Variants in KMT5B observed in about 807,000 individuals in gnomAD.
KMT5B encodes lysine methyltransferase 5B.
KMT5B carries 10 observed loss-of-function variants against 83.2 expected under a neutral mutation model. The observed-to-expected ratio is 0.12, with a 90% CI of 0.07 to 0.20. The LOEUF (loss-of-function observed/expected upper bound fraction) is 0.20, where lower values mean the gene tolerates loss of function less well. Ranked by LOEUF, KMT5B falls within the 10% of genes least tolerant of loss-of-function variation. KMT5B has a pLI of 1.00. For missense variants in KMT5B, 753 were observed against 1,067.2 expected, an observed-to-expected ratio of 0.71 and a Z score of 4.10; for synonymous variants, 349 against 388.8, an observed-to-expected ratio of 0.90 and a Z score of 1.20.
At chr11:68,208,644 G>A (rs1038838417) in intron 1 of KMT5B, among the ~76,000 whole-genome samples, 2 of 152,144 alleles carry the variant, frequency 1.3e-5, no homozygotes, top group African/African-American at 4.8e-5. Flanking sequence ...ACTAATGTAA[G>A]AATGGACTTG....
intron 1 of KMT5B, among the ~76,000 whole-genome samples, chr11:68,199,402 C>A (rs1859137520): frequency 6.6e-6 from 1 of 152,078 alleles, no homozygotes; most frequent in African/African-American, 2.4e-5. Context: ...GACAGCCAGG[C>A]ATCAGGCAAG....
intron 9 of KMT5B, 121 bp downstream of exon 9, chr11:68,170,894 T>C (rs922323773): frequency 2.7e-5 from 30 of 1,095,810 alleles, no homozygotes; most frequent in Non-Finnish European, 6.4e-6. Flanking sequence ...CCAGCCGCTA[T>C]GCTAAAGAAC....
At chr11:68,176,180 T>C (rs1031089898) in intron 4 of KMT5B, among the ~76,000 whole-genome samples, 2 of 152,110 alleles carry the variant, frequency 1.3e-5, no homozygotes, top group Non-Finnish European at 2.9e-5. Flanking sequence ...GCTGGGATTA[T>C]AGGTGTGAGC....
intron 6 of KMT5B, among the ~76,000 whole-genome samples, chr11:68,172,293 C>T (rs945653490): frequency 1.3e-5 from 2 of 152,084 alleles, no homozygotes; most frequent in Admixed American, 6.6e-5. Context: ...AGTGCAGTGG[C>T]GTGATCTCAG....
At chr11:68,188,881 G>T (rs1857723231) in intron 2 of KMT5B, among the ~76,000 whole-genome samples, 1 of 152,156 alleles carries the variant, frequency 6.6e-6, no homozygotes, top group East Asian at 1.9e-4. Context: ...CATGCTGCCA[G>T]CAGCCTCAGG....
intron 1 of KMT5B, among the ~76,000 whole-genome samples, chr11:68,191,173 TTG>T (rs71040600): frequency 8.9e-4 from 124 of 139,148 alleles, no homozygotes; most frequent in African/African-American, 1.1e-3. Context: ...TTTTAAAACT[TTG>T]TGTGTGTGTG....
intron 10 of KMT5B, among the ~76,000 whole-genome samples, chr11:68,159,458 C>T (rs748988824): frequency 2.0e-4 from 31 of 152,168 alleles, no homozygotes; most frequent in African/African-American, 2.7e-4. Context: ...CTTAATCTGT[C>T]GTGACACTGG....
rs1855876682 is a variant in KMT5B, at chr11:68,171,970, T to C, written c.654-261A>G. Reference sequence around the variant, plus strand: ...ACCAGGACAGGGACTATGCCACCTATGTCTCTGAATGCCCTGGTGTGGTGT... The same window carrying C: ...ACCAGGACAGGGACTATGCCACCTACGTCTCTGAATGCCCTGGTGTGGTGT... On this transcript the variant is annotated intron_variant, in intron 6 of 10. Coordinates refer to ENST00000304363, the MANE Select transcript of KMT5B (RefSeq NM_017635.5). The surrounding 1 kb of genome is among the most constrained non-coding windows in gnomAD (Gnocchi z 5.1). Among the ~76,000 whole-genome samples the C allele has an allele frequency of 6.6e-6, 1 of 150,858 alleles. No homozygotes were observed. Among genetic ancestry groups the C allele is most frequent in the Admixed American group, 6.7e-5 (1 of 14,932 alleles).
chr11:68,193,385 T>C (rs1406426492), intron 1 of KMT5B, among the ~76,000 whole-genome samples: 3 of 152,220 alleles, frequency 2.0e-5, no homozygotes, highest in African/African-American at 7.2e-5. Flanking sequence ...CCTTTAATGA[T>C]ACTCAACACA....
intron 1 of KMT5B, among the ~76,000 whole-genome samples, chr11:68,202,957 G>A (rs559663021): frequency 1.3e-5 from 2 of 152,070 alleles, no homozygotes; most frequent in African/African-American, 4.8e-5. Context: ...TAGAATTGCC[G>A]GGTCATATGG....
chr11:68,213,524 G>A (rs1033485071), upstream of KMT5B: 2 of 151,578 alleles, frequency 1.3e-5, no homozygotes, highest in African/African-American at 2.4e-5. Context: ...GCCGGCTTCA[G>A]GACTCCGCGT....
intron 1 of KMT5B, among the ~76,000 whole-genome samples, chr11:68,211,282 A>G (rs1860862287): frequency 1.3e-5 from 2 of 152,108 alleles, no homozygotes; most frequent in African/African-American, 4.8e-5. Flanking sequence ...GTCCCCTGGC[A>G]TTTGCTGCGA....
intron 4 of KMT5B, among the ~76,000 whole-genome samples, chr11:68,179,005 T>C (rs7122250): frequency 0.65 from 99,434 of 151,970 alleles, 33,013 homozygotes; most frequent in East Asian, 0.89. Context: ...TGACTTAGGG[T>C]TAATGAATGG....
In KMT5B at chr11:68,180,134, C is replaced by A; in HGVS notation, c.375G>T (p.Val125=). The A allele has an allele frequency of 6.3e-7, 1 of 1,583,308 alleles. No individual in the cohort carries two copies. The highest frequency in any genetic ancestry group is 2.3e-5 in the East Asian group (1 of 44,370). Reference sequence around the variant, plus strand: ...TGTTTTTAACACACACTACCTACCTCACAGGGTTGTTGTGAGAAAAACTGT... The same window carrying A: ...TGTTTTTAACACACACTACCTACCTAACAGGGTTGTTGTGAGAAAAACTGT... ...KSDSFSHNNP[V]RFRPIKGRQE... The change falls in exon 4 of 11, where the codon GTG becomes GTT. Residue 125 remains valine, a splice_region_variant and synonymous_variant. Transcript: ENST00000304363.
intron 1 of KMT5B, among the ~76,000 whole-genome samples, chr11:68,203,809 A>G (rs1859742575): frequency 6.6e-6 from 1 of 152,232 alleles, no homozygotes; most frequent in South Asian, 2.1e-4. Context: ...CTGAATTCAC[A>G]ATTATGCTTC....
At position 68,158,745 on chromosome 11, in the gene KMT5B, C is replaced by T; in HGVS notation, c.1601G>A (p.Cys534Tyr). 6.2e-7 allele frequency: 1 copy of T among 1,614,132 alleles called. No homozygotes were observed. The highest frequency in any genetic ancestry group is 8.5e-7 in the Non-Finnish European group (1 of 1,180,016). Reference sequence around the variant, plus strand: ...CACTGACCGCCGAGTTATGTAGGTGCAGGGCGAGCTCTCCCCCTGCGAATG... The same window carrying T: ...CACTGACCGCCGAGTTATGTAGGTGTAGGGCGAGCTCTCCCCCTGCGAATG... ...GAHSQGESSP[C>Y]TYITRRSVRT... is the part of the protein sequence containing the mutation. The change falls in exon 11 of 11, where the codon TGC (cysteine) becomes TAC (tyrosine). Residue 534 changes from cysteine (C) to tyrosine (Y), a missense_variant. This residue lies in a region of KMT5B where 397 missense variants were observed against 395.9 expected (regional missense o/e 1.00). Transcript: ENST00000304363.
chr11:68,209,695 GA>G (rs779888710), intron 1 of KMT5B, among the ~76,000 whole-genome samples: 3 of 152,186 alleles, frequency 2.0e-5, no homozygotes, highest in Non-Finnish European at 4.4e-5. Context: ...CTAAAGCTCA[GA>G]AACAAATTGC....
Position 68,158,368 on chromosome 11 carries a change from C to G in KMT5B, c.1978G>C (p.Gly660Arg). The change falls in exon 11 of 11, where the codon GGC (glycine) becomes CGC (arginine). Residue 660 changes from glycine to arginine, a missense_variant. Gly to Arg is a moderately radical substitution (Grantham distance 125). Transcript: ENST00000304363. ...SDQGEHSGTV[G>R]VPVSYTDCAP... is the part of the protein sequence containing the mutation. ...CAGTCTGTGTAGCTCACAGGCACGC[C>G]CACAGTGCCACTGTGCTCACCCTGG... is the stretch of plus-strand genomic sequence containing the variant. 1 of 1,614,118 alleles carries G rather than the reference C, an allele frequency of 6.2e-7. No homozygotes were observed. The highest frequency in any genetic ancestry group is 8.5e-7 in the Non-Finnish European group (1 of 1,179,980).
At chr11:68,163,318 G>A (rs1053760901) in intron 10 of KMT5B, among the ~76,000 whole-genome samples, 29 of 152,198 alleles carry the variant, frequency 1.9e-4, no homozygotes, top group Admixed American at 5.9e-4. Flanking sequence ...AAGCTTACAC[G>A]AACTAGCATG....
Sources: gnomAD v4.1 joint callset for allele counts (sites outside exome capture counted in the v4.1 genomes callset) on GRCh38, gnomAD v4.1.1 for gene constraint, gnomAD v4.1.1 regional missense constraint, Gnocchi (gnomAD v3.1) non-coding constraint, MANE v1.5 for transcripts, NCBI Gene and HGNC (gene_info 2026-07-23, HGNC 2026-07-21) for gene names.